Variants in NRG3 observed in about 807,000 individuals in gnomAD.
The protein encoded by NRG3 is neuregulin 3.
In NRG3, 31 loss-of-function variants were observed where a neutral mutation model predicts 66.9. That is an observed-to-expected ratio of 0.46 (90% confidence interval 0.35 to 0.63). The LOEUF (loss-of-function observed/expected upper bound fraction) is 0.63. Ranked by LOEUF, NRG3 falls within the 20% of genes least tolerant of loss-of-function variation. The probability of loss-of-function intolerance (pLI) is 0.00; values close to 1 mark genes in which losing one functional copy is unlikely to be tolerated. For missense variants in NRG3, 910 were observed against 878.9 expected (o/e 1.04, Z -0.45); for synonymous variants, 393 against 359.4 (o/e 1.09, Z -1.06).
rs561036852 is a variant in NRG3 at position 82,128,291 on chromosome 10, T to A, written c.824-230448T>A. Among the ~76,000 whole-genome samples, 321 of 152,200 alleles carry A rather than the reference T, an allele frequency of 2.1e-3. 3 individuals carry two copies. Among genetic ancestry groups the A allele is most frequent in the Non-Finnish European group, 3.8e-3 (259 of 67,992 alleles). ...TATGAATATTTCAGTGCTATTTCATTTTTCTAAGGACTGTCATAAATGGCT... is the reference window on the plus strand; with the variant it reads ...TATGAATATTTCAGTGCTATTTCATATTTCTAAGGACTGTCATAAATGGCT... On this transcript the variant is annotated intron_variant, in intron 1 of 8. Transcript: ENST00000372141.
intron 4 of NRG3, among the ~76,000 whole-genome samples, chr10:82,941,002 A>C (rs766351932): frequency 6.6e-6 from 1 of 152,118 alleles, no homozygotes; most frequent in African/African-American, 2.4e-5. Context: ...TAACAGTGGG[A>C]GTTTCAAGTA....
intron 1 of NRG3, among the ~76,000 whole-genome samples, chr10:82,049,007 A>G (rs2063456246): frequency 1.3e-5 from 2 of 152,196 alleles, no homozygotes; most frequent in Admixed American, 1.3e-4. Flanking sequence ...GAAGAAATGG[A>G]TAAATTCCTC....
chr10:82,404,965 C>G (rs1017316456), intron 2 of NRG3, among the ~76,000 whole-genome samples: 1 of 152,118 alleles, frequency 6.6e-6, no homozygotes, highest in Admixed American at 6.6e-5. Context: ...AAATCTTTCA[C>G]TCATCCAACC....
chr10:82,312,634 G>T (rs777937954), intron 1 of NRG3, among the ~76,000 whole-genome samples: 1 of 152,170 alleles, frequency 6.6e-6, no homozygotes, highest in Non-Finnish European at 1.5e-5. Context: ...CTTGGATTAG[G>T]GGGTATTGCA....
intron 2 of NRG3, among the ~76,000 whole-genome samples, chr10:82,390,424 G>A (rs1012407068): frequency 6.6e-6 from 1 of 151,992 alleles, no homozygotes; most frequent in Admixed American, 6.6e-5. Flanking sequence ...GTATTCTCAG[G>A]TGGGAAATTT....
At chr10:81,876,355 TG>T (rs1407029672) in intron 1 of NRG3, among the ~76,000 whole-genome samples, 192 bp downstream of exon 1, 2 of 151,538 alleles carry the variant, frequency 1.3e-5, no homozygotes, top group South Asian at 2.1e-4. Flanking sequence ...TCTGGGGGGG[TG>T]GGGGCGTGTA....
intron 1 of NRG3, among the ~76,000 whole-genome samples, chr10:82,273,983 A>G (rs750675929): frequency 1.2e-4 from 18 of 151,940 alleles, no homozygotes; most frequent in Non-Finnish European, 1.8e-4. Context: ...CTATGCTTCT[A>G]TTTGGAAGAG....
At chr10:82,325,755 C>G (rs1361637280) in intron 1 of NRG3, among the ~76,000 whole-genome samples, 1 of 152,040 alleles carries the variant, frequency 6.6e-6, no homozygotes, top group Non-Finnish European at 1.5e-5. Context: ...TATTACATCA[C>G]TTCATGTGTA....
chr10:82,159,105 G>C (rs1331480517), intron 1 of NRG3, among the ~76,000 whole-genome samples: 3 of 151,836 alleles, frequency 2.0e-5, no homozygotes, highest in Admixed American at 2.0e-4. Flanking sequence ...ATAATGATTT[G>C]ATTTAATCTA....
At chr10:82,834,596 A>G (rs905984500) in intron 3 of NRG3, among the ~76,000 whole-genome samples, 1 of 152,188 alleles carries the variant, frequency 6.6e-6, no homozygotes, top group African/African-American at 2.4e-5. Context: ...AAATATCATG[A>G]ATGGCCTAAT....
chr10:82,581,154 G>C (rs983958407), intron 2 of NRG3, among the ~76,000 whole-genome samples: 2 of 151,836 alleles, frequency 1.3e-5, no homozygotes, highest in African/African-American at 2.4e-5. Context: ...GTGTATAGTG[G>C]TATCTCATTT....
At chr10:82,173,528 C>A (rs2072791393) in intron 1 of NRG3, among the ~76,000 whole-genome samples, 1 of 152,042 alleles carries the variant, frequency 6.6e-6, no homozygotes, top group Non-Finnish European at 1.5e-5. Flanking sequence ...CATGCACACA[C>A]AGGTACAAGG....
chr10:82,447,530 T>C (rs2090796962), intron 2 of NRG3, among the ~76,000 whole-genome samples: 1 of 152,256 alleles, frequency 6.6e-6, no homozygotes, highest in Non-Finnish European at 1.5e-5. Flanking sequence ...GTTGCTTTTC[T>C]AAGTCAGTAT....
At chr10:82,539,923 C>T (rs2043418761) in intron 2 of NRG3, among the ~76,000 whole-genome samples, 1 of 152,114 alleles carries the variant, frequency 6.6e-6, no homozygotes, top group Non-Finnish European at 1.5e-5. Flanking sequence ...TGAGCCACCG[C>T]ACCCAGCCGT....
At chr10:82,500,316 A>G (rs552055997) in intron 2 of NRG3, among the ~76,000 whole-genome samples, 3 of 152,290 alleles carry the variant, frequency 2.0e-5, no homozygotes, top group East Asian at 3.9e-4. Context: ...GTGAAACCAT[A>G]TTAATCACAT....
At chr10:82,732,249 C>G (rs867644535) in intron 2 of NRG3, among the ~76,000 whole-genome samples, 8 of 152,106 alleles carry the variant, frequency 5.3e-5, no homozygotes, top group African/African-American at 1.9e-4. Flanking sequence ...AGGAAGTATG[C>G]CTTTAAATCA....
At chr10:81,877,925 T>G (rs762765799) in intron 1 of NRG3, 1 of 1,537,282 alleles carries the variant, frequency 6.5e-7, no homozygotes, top group South Asian at 1.2e-5. Context: ...AGACCCCAGA[T>G]TTTTGATCTG....
intron 1 of NRG3, among the ~76,000 whole-genome samples, chr10:81,898,188 T>C (rs1843695279): frequency 6.6e-6 from 1 of 152,138 alleles, no homozygotes; most frequent in Admixed American, 6.5e-5. Context: ...CACTCATTCT[T>C]TGGAGAAGAA....
At chr10:81,940,649 A>C (rs940990047) in intron 1 of NRG3, among the ~76,000 whole-genome samples, 2 of 152,050 alleles carry the variant, frequency 1.3e-5, no homozygotes, top group Non-Finnish European at 2.9e-5. Flanking sequence ...GTGTTTGCAG[A>C]AGCTCTTTGC....
Sources: allele counts gnomAD v4.1 joint callset (sites outside exome capture counted in the v4.1 genomes callset), GRCh38; gene constraint gnomAD v4.1.1; transcripts MANE v1.5; gene names NCBI Gene and HGNC (gene_info 2026-07-23, HGNC 2026-07-21).